TG: variants seen among roughly 807,000 people sequenced by gnomAD.
TG encodes thyroid hormones.
A neutral mutation model predicts 324.7 loss-of-function variants in TG; 270 were observed. That is an observed-to-expected ratio of 0.83 (90% CI 0.75 to 0.92). The LOEUF (loss-of-function observed/expected upper bound fraction) is 0.92, where lower values mean the gene tolerates loss of function less well. TG is among the 40% of genes least tolerant of loss of function. The pLI, the probability that TG is intolerant of heterozygous loss-of-function variation, is 0.00. For missense variants in TG, 3,591 were observed against 3,456.4 expected (o/e 1.04, Z -0.98); for synonymous variants, 1,401 against 1,327.0 (o/e 1.06, Z -1.21).
At chr8:132,911,920 G>A (rs971499903) in intron 19 of TG, among the ~76,000 whole-genome samples, 4 of 152,146 alleles carry the variant, frequency 2.6e-5, no homozygotes, top group African/African-American at 9.7e-5. Flanking sequence ...TTAAAACAGG[G>A]CAGTCACGAT....
chr8:133,077,142 G>A (rs920847412), intron 41 of TG, among the ~76,000 whole-genome samples: 3 of 152,176 alleles, frequency 2.0e-5, no homozygotes, highest in African/African-American at 4.8e-5. Context: ...CCAGCCCTGG[G>A]ACAAGCCAGG....
At chr8:132,878,392 A>G (rs971455364) in intron 5 of TG, among the ~76,000 whole-genome samples, 1 of 152,100 alleles carries the variant, frequency 6.6e-6, no homozygotes, top group Non-Finnish European at 1.5e-5. Flanking sequence ...CAAGGCGGGC[A>G]GATCACGAGG....
intron 35 of TG, among the ~76,000 whole-genome samples, chr8:132,992,092 C>A (rs1195238302): frequency 3.9e-5 from 6 of 152,106 alleles, no homozygotes; most frequent in Admixed American, 3.9e-4. Flanking sequence ...GCCTTGGCTG[C>A]CTTTCCCCTT....
intron 43 of TG, among the ~76,000 whole-genome samples, chr8:133,100,185 G>GT (rs1436067226): frequency 6.6e-6 from 1 of 152,160 alleles, no homozygotes; most frequent in Non-Finnish European, 1.5e-5. Context: ...GGTACTTGCT[G>GT]TTTTTTCTTC....
intron 34 of TG, 67 bp from the exon 35 acceptor site, chr8:132,983,283 A>G: frequency 6.6e-7 from 1 of 1,522,078 alleles, no homozygotes. Flanking sequence ...ACTTATATTA[A>G]TGCCTTCTGA....
At chr8:133,098,589 C>CT (rs908857579) in intron 43 of TG, among the ~76,000 whole-genome samples, 1 of 152,212 alleles carries the variant, frequency 6.6e-6, no homozygotes, top group Non-Finnish European at 1.5e-5. Flanking sequence ...GTACTGAAAA[C>CT]TTTTCATGGC....
intron 20 of TG, among the ~76,000 whole-genome samples, chr8:132,918,190 A>G (rs907464967): frequency 1.3e-5 from 2 of 152,194 alleles, no homozygotes; most frequent in African/African-American, 2.4e-5. Context: ...CCCTGAGCAC[A>G]GACAAGAGTC....
chr8:132,934,212 G>A (rs1470497638), intron 24 of TG, among the ~76,000 whole-genome samples: 3 of 152,090 alleles, frequency 2.0e-5, no homozygotes, highest in Non-Finnish European at 4.4e-5. Flanking sequence ...GTGGACACCT[G>A]TAATCCCAGC....
At chr8:133,058,688 G>A (rs1336627793) in intron 41 of TG, among the ~76,000 whole-genome samples, 1 of 152,178 alleles carries the variant, frequency 6.6e-6, no homozygotes, top group Non-Finnish European at 1.5e-5. Context: ...TCTCCTGACA[G>A]CAGCAGCAGC....
chr8:133,005,517 C>T (rs1300287232), intron 35 of TG, among the ~76,000 whole-genome samples: 3 of 152,162 alleles, frequency 2.0e-5, no homozygotes, highest in Non-Finnish European at 2.9e-5. Context: ...CTGAGCATTT[C>T]CCCTGGGCAG....
chr8:133,117,746 G>A (rs913894420), intron 45 of TG, among the ~76,000 whole-genome samples: 1 of 152,170 alleles, frequency 6.6e-6, no homozygotes, highest in Non-Finnish European at 1.5e-5. Context: ...ATAAGAATAG[G>A]AGCAAGGCCT....
chr8:133,116,886 TAA>T (rs35664939), intron 45 of TG, among the ~76,000 whole-genome samples, 170 bp downstream of exon 45: 25 of 149,642 alleles, frequency 1.7e-4, no homozygotes, highest in Admixed American at 4.0e-4. Flanking sequence ...CGGGGAAAGT[TAA>T]AAAAAAAAAT....
chr8:133,069,183 G>A (rs1843564096), intron 41 of TG, among the ~76,000 whole-genome samples: 1 of 152,264 alleles, frequency 6.6e-6, no homozygotes, highest in African/African-American at 2.4e-5. Context: ...CAGGCTTCTA[G>A]GCACAGGGAC....
intron 41 of TG, chr8:133,076,807 T>C (rs900418706): frequency 4.0e-5 from 6 of 149,208 alleles, no homozygotes; most frequent in East Asian, 2.0e-4. Flanking sequence ...CCCTTCCCTG[T>C]ACTTAACTTA....
At chr8:132,997,446 A>G (rs1832988803) in intron 35 of TG, among the ~76,000 whole-genome samples, 1 of 152,192 alleles carries the variant, frequency 6.6e-6, no homozygotes, top group Admixed American at 6.5e-5. Context: ...TCGTAGGGAT[A>G]TGAGCACACC....
rs1356481713 is a variant in TG, at chr8:132,966,583, C to T, written c.5572C>T (p.Pro1858Ser). Residue 1858 changes from proline (P) to serine (S), a missense_variant, in exon 30 of 48, where the codon CCT becomes TCT. Pro to Ser is a moderately conservative substitution (Grantham distance 74). Transcript: ENST00000220616. ...AGGTTTGACAACAGAACTTTTCTCC[C>T]CTGTGGACCTCAACCAGGTCATTGT... ...EAGLTTELFSPVDLNQVIVNG... is the reference protein window; with the variant it reads ...EAGLTTELFSSVDLNQVIVNG... The T allele has an allele frequency of 5.6e-6, 9 of 1,614,048 alleles. No homozygotes were observed. Among genetic ancestry groups the T allele is most frequent in the South Asian group, 1.1e-5 (1 of 91,076 alleles).
Position 132,911,398 on chromosome 8 carries a change from G to A in TG, c.4024G>A (p.Val1342Ile), listed in dbSNP as rs1403525902. 2 of 1,614,046 alleles carry A rather than the reference G, an allele frequency of 1.2e-6. No individual in the cohort carries two copies. Among genetic ancestry groups the A allele is most frequent in the East Asian group, 4.5e-5 (2 of 44,892 alleles). ...GTAGGTGAAGACTTTTGGCACCCTG[G>A]TTTCCATTCCTGTCTGCAACAACTC... ...QIQVKTFGTL[V>I]SIPVCNNSSV... is the part of the protein sequence containing the mutation. Residue 1342 changes from valine (V) to isoleucine (I), a missense_variant, in exon 19 of 48, where the codon GTT becomes ATT. Coordinates refer to ENST00000220616, the MANE Select transcript of TG (RefSeq NM_003235.5).
At chr8:133,021,039 A>C (rs1451689795) in intron 39 of TG, among the ~76,000 whole-genome samples, 2 of 152,154 alleles carry the variant, frequency 1.3e-5, no homozygotes, top group Non-Finnish European at 2.9e-5. Flanking sequence ...TCCCCAGCTC[A>C]GACACACGAT....
Position 132,948,951 on chromosome 8 carries a change from T to A in TG, c.5401+8T>A. 5 of 1,612,574 alleles carry A rather than the reference T, an allele frequency of 3.1e-6. No homozygotes were observed. Among genetic ancestry groups the A allele is most frequent in the Non-Finnish European group, 4.2e-6 (5 of 1,179,918 alleles). On this transcript the variant is annotated splice_region_variant and intron_variant, in intron 27 of 47. Coordinates refer to ENST00000220616, the MANE Select transcript of TG (RefSeq NM_003235.5). ...ACCAGGAGTTCATCAAGAGTAAGTCTTTGCCATTTGTCCATATTCTTTCAA... is the reference window on the plus strand; with the variant it reads ...ACCAGGAGTTCATCAAGAGTAAGTCATTGCCATTTGTCCATATTCTTTCAA...
Sources: allele counts gnomAD v4.1 joint callset (sites outside exome capture counted in the v4.1 genomes callset), GRCh38; gene constraint gnomAD v4.1.1; transcripts MANE v1.5; gene names NCBI Gene and HGNC (gene_info 2026-07-23, HGNC 2026-07-21).